CTNNA3: variants seen among roughly 807,000 people sequenced by gnomAD.
CTNNA3 encodes catenin alpha 3, also known as catenin alpha-3.
In CTNNA3, 76 loss-of-function variants were observed where a neutral mutation model predicts 95.7. The observed-to-expected ratio is 0.79, with a 90% CI of 0.66 to 0.96. The LOEUF is 0.96. Ranked by LOEUF, CTNNA3 falls within the 40% of genes least tolerant of loss-of-function variation. CTNNA3 has a pLI of 0.00. For missense variants in CTNNA3, 1,191 were observed against 1,089.8 expected, an observed-to-expected ratio of 1.09 and a Z score of -1.31; for synonymous variants, 431 against 374.4, an observed-to-expected ratio of 1.15 and a Z score of -1.74.
intron 5 of CTNNA3, among the ~76,000 whole-genome samples, chr10:67,438,838 C>T (rs1236994700): frequency 1.3e-5 from 2 of 152,174 alleles, no homozygotes; most frequent in Non-Finnish European, 2.9e-5. Context: ...GCTTAGCCAG[C>T]TCCTGCCCAA....
chr10:66,872,000 C>T (rs1038250567), intron 7 of CTNNA3, among the ~76,000 whole-genome samples: 7 of 152,140 alleles, frequency 4.6e-5, no homozygotes, highest in Non-Finnish European at 1.0e-4. Context: ...AATTCTGAGA[C>T]TATATTCTCT....
At chr10:65,992,854 GTT>G (rs1229821901) in intron 15 of CTNNA3, among the ~76,000 whole-genome samples, 1 of 151,980 alleles carries the variant, frequency 6.6e-6, no homozygotes, top group African/African-American at 2.4e-5. Flanking sequence ...AAACTTTCTA[GTT>G]TTTTATAGTA....
At chr10:67,544,073 G>A (rs1476298082) in intron 3 of CTNNA3, among the ~76,000 whole-genome samples, 1 of 152,214 alleles carries the variant, frequency 6.6e-6, no homozygotes, top group East Asian at 1.9e-4. Flanking sequence ...CCACTGCTGT[G>A]TGGACCCAAG....
chr10:66,349,788 G>T (rs923365542), intron 12 of CTNNA3, among the ~76,000 whole-genome samples: 1 of 151,964 alleles, frequency 6.6e-6, no homozygotes, highest in Non-Finnish European at 1.5e-5. Context: ...ATGGTCATAA[G>T]TACAGTTTTT....
chr10:66,656,395 T>C (rs1280880763), intron 9 of CTNNA3, among the ~76,000 whole-genome samples: 1 of 152,130 alleles, frequency 6.6e-6, no homozygotes, highest in Non-Finnish European at 1.5e-5. Context: ...GAAGTAGATT[T>C]CATCTGGAAA....
intron 12 of CTNNA3, among the ~76,000 whole-genome samples, chr10:66,331,282 T>C (rs180702185): frequency 1.3e-4 from 19 of 151,014 alleles, no homozygotes; most frequent in Non-Finnish European, 2.2e-4. Flanking sequence ...GCTTTCTACA[T>C]ATGGCTAGCC....
intron 10 of CTNNA3, among the ~76,000 whole-genome samples, chr10:66,579,261 A>G (rs1055973349): frequency 2.0e-5 from 3 of 151,778 alleles, no homozygotes; most frequent in African/African-American, 7.2e-5. Context: ...ATTTCCCTAA[A>G]TAGTCACAAA....
intron 3 of CTNNA3, among the ~76,000 whole-genome samples, chr10:67,584,254 T>C (rs978759838): frequency 1.3e-5 from 2 of 152,196 alleles, no homozygotes; most frequent in Non-Finnish European, 2.9e-5. Context: ...TTGGTGTGGA[T>C]GTCCTTTCTG....
intron 13 of CTNNA3, among the ~76,000 whole-genome samples, chr10:66,176,397 C>T (rs2085715300): frequency 6.6e-6 from 1 of 151,996 alleles, no homozygotes; most frequent in Non-Finnish European, 1.5e-5. Context: ...TCTTTGGAAA[C>T]TGCAAATAGT....
intron 7 of CTNNA3, among the ~76,000 whole-genome samples, chr10:66,892,102 G>T (rs1254528868): frequency 6.6e-6 from 1 of 152,026 alleles, no homozygotes; most frequent in African/African-American, 2.4e-5. Context: ...CACTTATTCT[G>T]AAAACAGAAA....
At chr10:67,022,813 C>G (rs1035277146) in intron 7 of CTNNA3, among the ~76,000 whole-genome samples, 18 of 151,972 alleles carry the variant, frequency 1.2e-4, no homozygotes, top group African/African-American at 4.4e-4. Context: ...TGGTGCACGC[C>G]TATAATCCCA....
chr10:66,113,202 T>C (rs1022102073), intron 13 of CTNNA3, among the ~76,000 whole-genome samples: 3 of 152,108 alleles, frequency 2.0e-5, no homozygotes, highest in African/African-American at 7.2e-5. Flanking sequence ...ATTTTTTTTT[T>C]CATGTCCATG....
chr10:66,337,648 T>C (rs1244625195), intron 12 of CTNNA3, among the ~76,000 whole-genome samples: 2 of 152,102 alleles, frequency 1.3e-5, no homozygotes, highest in Non-Finnish European at 2.9e-5. Flanking sequence ...CATGAAAAGC[T>C]GATCAACATC....
chr10:66,840,984 G>T (rs894371597), intron 7 of CTNNA3, among the ~76,000 whole-genome samples: 1 of 152,120 alleles, frequency 6.6e-6, no homozygotes, highest in Non-Finnish European at 1.5e-5. Flanking sequence ...CTACAATCAT[G>T]TATGTTACCT....
intron 11 of CTNNA3, among the ~76,000 whole-genome samples, chr10:66,442,839 G>A (rs201542998): frequency 6.6e-6 from 1 of 152,200 alleles, no homozygotes; most frequent in South Asian, 2.1e-4. Context: ...CACCATGCAC[G>A]AGCCAAAGCA....
intron 11 of CTNNA3, among the ~76,000 whole-genome samples, chr10:66,449,909 T>C (rs113316217): frequency 0.011 from 1,663 of 152,282 alleles, 36 homozygotes; most frequent in African/African-American, 0.038. Context: ...GGGTTTCATT[T>C]ATCAATAGAA....
intron 12 of CTNNA3, among the ~76,000 whole-genome samples, chr10:66,296,536 C>A (rs1002819325): frequency 6.6e-6 from 1 of 151,720 alleles, no homozygotes; most frequent in Non-Finnish European, 1.5e-5. Flanking sequence ...AATAAACTCA[C>A]ACACACATGT....
At chr10:66,457,851 G>A (rs2093504962) in intron 11 of CTNNA3, among the ~76,000 whole-genome samples, 1 of 152,210 alleles carries the variant, frequency 6.6e-6, no homozygotes, top group African/African-American at 2.4e-5. Context: ...CTTTGCAGTT[G>A]TGCCCAAATA....
intron 3 of CTNNA3, among the ~76,000 whole-genome samples, chr10:67,580,124 T>C (rs1408913775): frequency 1.3e-5 from 2 of 152,236 alleles, no homozygotes; most frequent in Non-Finnish European, 2.9e-5. Flanking sequence ...CATGAAGTCC[T>C]TGCCTGTGCC....
Sources: gnomAD v4.1 joint callset for allele counts (sites outside exome capture counted in the v4.1 genomes callset) on GRCh38, gnomAD v4.1.1 for gene constraint, MANE v1.5 for transcripts, NCBI Gene and HGNC (gene_info 2026-07-23, HGNC 2026-07-21) for gene names.